NTNG1: variants seen among roughly 807,000 people sequenced by gnomAD.
NTNG1 encodes netrin G1, also known as netrin-G1.
In NTNG1, 16 loss-of-function variants were observed where a neutral mutation model predicts 54.0. The ratio of observed to expected loss-of-function variants is 0.30; its 90% CI spans 0.20 to 0.45. NTNG1 has a LOEUF of 0.45. Among genes scored for constraint, NTNG1 ranks in the 20% least tolerant of loss-of-function variants. The pLI, the probability that NTNG1 is intolerant of heterozygous loss-of-function variation, is 1.00. For missense variants in NTNG1, 530 were observed against 678.7 expected, an observed-to-expected ratio of 0.78 and a Z score of 2.43; for synonymous variants, 255 against 263.1, an observed-to-expected ratio of 0.97 and a Z score of 0.30.
intron 7 of NTNG1, among the ~76,000 whole-genome samples, chr1:107,440,635 A>G (rs1376727693): frequency 6.6e-6 from 1 of 152,186 alleles, no homozygotes; most frequent in South Asian, 2.1e-4. Context: ...GCTTTCGTGC[A>G]ATGTTACTGT....
At chr1:107,454,184 G>A (rs1676791492) in intron 7 of NTNG1, among the ~76,000 whole-genome samples, 1 of 152,118 alleles carries the variant, frequency 6.6e-6, no homozygotes, top group African/African-American at 2.4e-5. Context: ...AACAGAGAAA[G>A]AGACTTTAGG....
rs1206575743 is a variant in NTNG1, at chr1:107,354,260, A to G, written c.887+29338A>G. On this transcript the variant is annotated intron_variant, in intron 3 of 7. Coordinates refer to ENST00000370068, the MANE Select transcript of NTNG1 (RefSeq NM_001113226.3). ...CTGAAGCGGGCAGATCATGAGGTCA[A>G]GAGTTCAAGACCAGCCTGGCCAATA... Among the ~76,000 whole-genome samples the G allele has an allele frequency of 3.4e-4, 52 of 151,924 alleles. 2 individuals are homozygous for G. In the East Asian group the frequency reaches 8.5e-3, roughly 25 times the overall value.
At chr1:107,153,956 T>TGTGC (rs1490064494) in intron 2 of NTNG1, among the ~76,000 whole-genome samples, 1 of 152,220 alleles carries the variant, frequency 6.6e-6, no homozygotes, top group Non-Finnish European at 1.5e-5. Flanking sequence ...TCCCAGATAG[T>TGTGC]GTGCGTAAGT....
At chr1:107,355,986 C>T (rs771420215) in intron 3 of NTNG1, among the ~76,000 whole-genome samples, 8 of 152,152 alleles carry the variant, frequency 5.3e-5, no homozygotes, top group Non-Finnish European at 1.2e-4. Flanking sequence ...AGACCACCGT[C>T]GTGGCAGAAA....
intron 2 of NTNG1, among the ~76,000 whole-genome samples, chr1:107,263,636 C>A (rs910353708): frequency 6.6e-6 from 1 of 152,162 alleles, no homozygotes; most frequent in Non-Finnish European, 1.5e-5. Flanking sequence ...AAAATAATTT[C>A]TTTCCTAGGC....
At position 107,472,212 on chromosome 1, in the gene NTNG1, C is replaced by T. The variant is rs565208518; in HGVS notation, c.1391-8399C>T. ...CCATGGGGCAGCAGATAAGACTGAA[C>T]CAAAACAGATCAAACAGAAACAGTC... On this transcript the variant is annotated intron_variant, in intron 7 of 7. Coordinates refer to ENST00000370068, the MANE Select transcript of NTNG1 (RefSeq NM_001113226.3). 3.9e-5 allele frequency among the ~76,000 whole-genome samples: 6 copies of T among 152,118 alleles called. No homozygotes were observed. The East Asian group carries it at 9.7e-4, about 25-fold the overall frequency.
At chr1:107,171,895 C>A (rs547968461) in intron 2 of NTNG1, among the ~76,000 whole-genome samples, 2 of 57,210 alleles carry the variant, frequency 3.5e-5, no homozygotes, top group Non-Finnish European at 1.0e-4. Context: ...GATTTTTTCC[C>A]CTTTTTTTTT....
intron 7 of NTNG1, among the ~76,000 whole-genome samples, chr1:107,467,941 G>C (rs527906996): frequency 3.9e-5 from 6 of 152,228 alleles, no homozygotes; most frequent in African/African-American, 1.4e-4. Flanking sequence ...TCCTCACCTT[G>C]AATTTATTGA....
chr1:107,373,091 A>G lies in NTNG1; in HGVS notation c.888-22063A>G, dbSNP rs190476887. On this transcript the variant is annotated intron_variant, in intron 3 of 7. Transcript: ENST00000370068. Reference sequence around the variant, plus strand: ...TTATTTATACTTAATGTAATTATTGATATCTTTAGACTTAAAGGTAATATC... The same window carrying G: ...TTATTTATACTTAATGTAATTATTGGTATCTTTAGACTTAAAGGTAATATC... Among the ~76,000 whole-genome samples the G allele has an allele frequency of 2.0e-5, 3 of 152,176 alleles. No individual in the cohort carries two copies. In the East Asian group the frequency reaches 5.8e-4, roughly 29 times the overall value.
intron 7 of NTNG1, among the ~76,000 whole-genome samples, chr1:107,449,359 G>T (rs145838992): frequency 1.3e-5 from 2 of 152,124 alleles, no homozygotes; most frequent in South Asian, 4.1e-4. Flanking sequence ...CCAGGCATCT[G>T]TATTTTACAA....
intron 2 of NTNG1, among the ~76,000 whole-genome samples, chr1:107,182,269 C>G (rs1426474447): frequency 6.6e-6 from 1 of 152,116 alleles, no homozygotes; most frequent in Non-Finnish European, 1.5e-5. Flanking sequence ...GCATTTGAGT[C>G]TCCCCAAATC....
intron 2 of NTNG1, among the ~76,000 whole-genome samples, chr1:107,257,238 GA>G (rs1213242226): frequency 6.6e-6 from 1 of 152,010 alleles, no homozygotes; most frequent in Non-Finnish European, 1.5e-5. Flanking sequence ...ATTCAAAATA[GA>G]AAAAAATCTT....
chr1:107,444,043 C>T (rs1037267281), intron 7 of NTNG1, among the ~76,000 whole-genome samples: 1 of 152,056 alleles, frequency 6.6e-6, no homozygotes, highest in African/African-American at 2.4e-5. Flanking sequence ...AATTTGTAGG[C>T]ATTACAAATA....
intron 2 of NTNG1, among the ~76,000 whole-genome samples, chr1:107,216,825 G>A (rs747574644): frequency 1.3e-5 from 2 of 151,850 alleles, no homozygotes; most frequent in Non-Finnish European, 1.5e-5. Context: ...CTACAGGCAT[G>A]TACCACCACG....
chr1:107,258,282 G>T (rs1334104950), intron 2 of NTNG1, among the ~76,000 whole-genome samples: 1 of 143,060 alleles, frequency 7.0e-6, no homozygotes, highest in Admixed American at 6.9e-5. Context: ...TTTATTAGTG[G>T]TTGAGGAAAA....
At chr1:107,190,344 A>T (rs1657806897) in intron 2 of NTNG1, among the ~76,000 whole-genome samples, 1 of 152,178 alleles carries the variant, frequency 6.6e-6, no homozygotes, top group Non-Finnish European at 1.5e-5. Context: ...ACAATTAAAA[A>T]CAAAACAACA....
In NTNG1 at chr1:107,436,695, A is replaced by G; in HGVS notation, c.1286A>G (p.His429Arg). The G allele has an allele frequency of 6.2e-7, 1 of 1,613,568 alleles. No individual in the cohort carries two copies. Among genetic ancestry groups the G allele is most frequent in the South Asian group, 1.1e-5 (1 of 91,056 alleles). ...ECYCNPLGSIHDRCNGSGFCE... is the reference protein window; with the variant it reads ...ECYCNPLGSIRDRCNGSGFCE... ...TATTGTAACCCTTTGGGCTCAATCCATGATCGTTGTAATGGCTCAGGATTT... is the reference window on the plus strand; with the variant it reads ...TATTGTAACCCTTTGGGCTCAATCCGTGATCGTTGTAATGGCTCAGGATTT... The change falls in exon 7 of 8, where the codon CAT becomes CGT. Residue 429 changes from histidine to arginine, a missense_variant. By Grantham distance (29) the His-to-Arg change is conservative. Around this residue, in one of 2 missense-constraint regions of NTNG1, gnomAD observed 212 missense variants for 213.6 expected, o/e 0.99. Coordinates refer to ENST00000370068, the MANE Select transcript of NTNG1 (RefSeq NM_001113226.3).
chr1:107,479,428 G>A (rs894518560), intron 7 of NTNG1, among the ~76,000 whole-genome samples: 2 of 152,174 alleles, frequency 1.3e-5, no homozygotes, highest in African/African-American at 4.8e-5. Flanking sequence ...GTGTATATGA[G>A]TGTGTAGTGT....
At chr1:107,166,233 G>A (rs984233795) in intron 2 of NTNG1, among the ~76,000 whole-genome samples, 2 of 152,034 alleles carry the variant, frequency 1.3e-5, no homozygotes, top group African/African-American at 4.8e-5. Context: ...GAAATAGAAG[G>A]ACATTCTAGC....
Sources: allele counts gnomAD v4.1 joint callset (sites outside exome capture counted in the v4.1 genomes callset), GRCh38; gene constraint gnomAD v4.1.1; regional missense constraint gnomAD v4.1.1; transcripts MANE v1.5; gene names NCBI Gene and HGNC (gene_info 2026-07-23, HGNC 2026-07-21).